ANAPC2: variants seen among roughly 807,000 people sequenced by gnomAD.
ANAPC2 encodes the protein anaphase promoting complex subunit 2.
ANAPC2 carries 29 observed loss-of-function variants against 84.3 expected under a neutral mutation model. That is an observed-to-expected ratio of 0.34 (90% CI 0.26 to 0.47). The LOEUF is 0.47. ANAPC2 is among the 20% of genes least tolerant of loss of function. ANAPC2 has a pLI of 1.00. For synonymous variants in ANAPC2, 571 were observed against 479.4 expected, an observed-to-expected ratio of 1.19 and a Z score of -2.50; for missense variants, 857 against 1,131.7, an observed-to-expected ratio of 0.76 and a Z score of 3.48.
intron 6 of ANAPC2, among the ~76,000 whole-genome samples, chr9:137,182,698 G>A (rs1588762055): frequency 1.3e-5 from 2 of 152,294 alleles, no homozygotes; most frequent in East Asian, 1.9e-4. Context: ...GCCATGTCAA[G>A]GTCCTCATCC....
At position 137,186,254 on chromosome 9, in the gene ANAPC2, G is replaced by A. The variant is rs754440484; in HGVS notation, c.843C>T (p.Tyr281=). 31 of 1,612,516 alleles carry A rather than the reference G, an allele frequency of 1.9e-5. No homozygotes were observed. Among genetic ancestry groups the A allele is most frequent in the East Asian group, 4.5e-5 (2 of 44,888 alleles). Reference sequence around the variant, plus strand: ...GGAACTCACGCAGGAAGGAGCGCTCGTACTCGCCCCGGCAACGGTCCTCCA... The same window carrying A: ...GGAACTCACGCAGGAAGGAGCGCTCATACTCGCCCCGGCAACGGTCCTCCA... ...ERMEDRCRGE[Y]ERSFLREFHK... Residue 281 remains tyrosine (Y), a synonymous_variant, in exon 3 of 13, where the codon TAC becomes TAT. Transcript: ENST00000323927.
intron 6 of ANAPC2, 88 bp downstream of exon 6, chr9:137,183,037 C>A: frequency 9.2e-7 from 1 of 1,088,676 alleles, no homozygotes; most frequent in Non-Finnish European, 1.4e-6. Flanking sequence ...GACGGCCGAA[C>A]ACACCCTCCG....
chr9:137,179,050 GA>G (rs1346938973), intron 10 of ANAPC2, among the ~76,000 whole-genome samples: 2 of 152,108 alleles, frequency 1.3e-5, no homozygotes, highest in Non-Finnish European at 2.9e-5. Context: ...AGAAGCTGTG[GA>G]CCCTCCCTTG....
At chr9:137,181,520 A>G (rs1434743804) in intron 7 of ANAPC2, among the ~76,000 whole-genome samples, 161 bp downstream of exon 7, 1 of 152,196 alleles carries the variant, frequency 6.6e-6, no homozygotes, top group African/African-American at 2.4e-5. Flanking sequence ...CCAGGCTGGC[A>G]GGTGGCGGAG....
At chr9:137,178,612 C>T (rs1834273278) in intron 10 of ANAPC2, among the ~76,000 whole-genome samples, 1 of 152,224 alleles carries the variant, frequency 6.6e-6, no homozygotes, top group African/African-American at 2.4e-5. Context: ...CAGCGGGGCA[C>T]GGTGCCCGCA....
chr9:137,183,821 A>C lies in ANAPC2; in HGVS notation c.1049-30T>G, dbSNP rs577285935. 7 of 1,611,266 alleles carry C rather than the reference A, an allele frequency of 4.3e-6. No homozygotes were observed. The Admixed American group carries it at 1.2e-4, about 27-fold the overall frequency. ...AAGAAGAAGAACATCCCTCAGGGAC[A>C]GACATGGATGCGTGCGCACGTGCAG... On this transcript the variant is annotated intron_variant, in intron 4 of 12. Coordinates refer to ENST00000323927, the MANE Select transcript of ANAPC2 (RefSeq NM_013366.4).
Position 137,175,426 on chromosome 9 carries a change from C to T in ANAPC2, c.2067G>A (p.Val689=). ...EELSKAVKMP[V]ALLRRRMSVW... ...CGGACATCCGCCGCCGCAGCAGCGC[C>T]ACGGGCATCTTCACCGCCTTGCTCA... The change falls in exon 12 of 13, where the codon GTG becomes GTA. Residue 689 remains valine (V), a synonymous_variant. Transcript: ENST00000323927. 1 of 1,603,816 alleles carries T rather than the reference C, an allele frequency of 6.2e-7. No individual in the cohort carries two copies. Among genetic ancestry groups the T allele is most frequent in the South Asian group, 1.1e-5 (1 of 89,716 alleles).
At position 137,174,915 on chromosome 9, in the gene ANAPC2, C is replaced by A; in HGVS notation, c.*27G>T. The A allele has an allele frequency of 2.8e-6, 1 of 356,354 alleles. No individual in the cohort carries two copies. The highest frequency in any genetic ancestry group is 4.1e-6 in the Non-Finnish European group (1 of 243,288). 22.1% of individuals were successfully genotyped at this position (356,354 alleles called of 1,614,324 possible). ...AGAGCACCTGCAGGGCAGCGCCTGG[C>A]GGGCGGGCGGGCGGGCGGGCGATGT... On this transcript the variant is annotated 3_prime_UTR_variant, in exon 13 of 13. Transcript: ENST00000323927. The surrounding 1 kb of genome is among the most constrained non-coding windows in gnomAD (Gnocchi z 6.1).
rs1322430674 is a variant in ANAPC2, at chr9:137,175,055, C to T, written c.2356G>A (p.Ala786Thr). The change falls in exon 13 of 13, where the codon GCA (alanine) becomes ACA (threonine). Residue 786 changes from alanine to threonine, a missense_variant. By Grantham distance (58) the Ala-to-Thr change is moderately conservative. Transcript: ENST00000323927. ...MLRMFVVTGP[A>T]LAEIDLQELQ... ...TCCTGCAGGTCAATCTCGGCCAGTG[C>T]AGGCCCAGTCACCACAAACATGCGG... 1 of 1,605,926 alleles carries T rather than the reference C, an allele frequency of 6.2e-7. No homozygotes were observed.
intron 10 of ANAPC2, among the ~76,000 whole-genome samples, chr9:137,179,273 GAGGCCTCAC>G (rs1055932411): frequency 2.0e-5 from 3 of 152,026 alleles, no homozygotes; most frequent in African/African-American, 7.3e-5. Flanking sequence ...GGGCACACTG[GAGGCCTCAC>G]AGGCCCCACA....
intron 7 of ANAPC2, among the ~76,000 whole-genome samples, chr9:137,181,225 A>C (rs972320074): frequency 6.6e-6 from 1 of 152,214 alleles, no homozygotes; most frequent in Non-Finnish European, 1.5e-5. Context: ...TGTGTTGAAG[A>C]CTTACCATCT....
At position 137,175,083 on chromosome 9, in the gene ANAPC2, C is replaced by G; in HGVS notation, c.2328G>C (p.Met776Ile). Reference protein sequence around the residue: ...ESLSLDRIYNMLRMFVVTGPA... With the variant: ...ESLSLDRIYNILRMFVVTGPA... The stretch of plus-strand genomic sequence containing the variant: ...GCCCAGTCACCACAAACATGCGGAG[C>G]ATGTTGTAGATACGATCCAGTGAGA... Residue 776 changes from methionine to isoleucine, a missense_variant, in exon 13 of 13, where the codon ATG becomes ATC. Transcript: ENST00000323927. 1 of 1,608,544 alleles carries G rather than the reference C, an allele frequency of 6.2e-7. No individual in the cohort carries two copies. The highest frequency in any genetic ancestry group is 8.5e-7 in the Non-Finnish European group (1 of 1,178,128).
At chr9:137,179,430 G>A (rs1185820536) in intron 10 of ANAPC2, among the ~76,000 whole-genome samples, 1 of 152,180 alleles carries the variant, frequency 6.6e-6, no homozygotes, top group Non-Finnish European at 1.5e-5. Flanking sequence ...TATGAGCTCA[G>A]GGAAAGAACC....
rs1588761791 is a variant in ANAPC2 at position 137,182,430 on chromosome 9, A to G, written c.1287-568T>C. ...AGGCTGAGGCAGGAGAATGGCGTGAACCCGGGAGGCGGAGCTTGCAGTGAG... is the reference window on the plus strand; with the variant it reads ...AGGCTGAGGCAGGAGAATGGCGTGAGCCCGGGAGGCGGAGCTTGCAGTGAG... On this transcript the variant is annotated intron_variant, in intron 6 of 12. Coordinates refer to ENST00000323927, the MANE Select transcript of ANAPC2 (RefSeq NM_013366.4). Among the ~76,000 whole-genome samples the G allele has an allele frequency of 3.9e-5, 6 of 151,912 alleles. No homozygotes were observed. The East Asian group carries it at 1.2e-3, about 30-fold the overall frequency.
chr9:137,181,662 C>T lies in ANAPC2; in HGVS notation c.1468+19G>A. ...GCGCCCCCCACACTGGTGAAAGGGA[C>T]CATGTGGGGCAAGCTAACCTGGATC... On this transcript the variant is annotated intron_variant, in intron 7 of 12. Transcript: ENST00000323927. The T allele has an allele frequency of 6.3e-7, 1 of 1,575,068 alleles. No homozygotes were observed. Among genetic ancestry groups the T allele is most frequent in the Non-Finnish European group, 8.6e-7 (1 of 1,156,382 alleles).
At chr9:137,180,745 G>A (rs1834326014) in intron 8 of ANAPC2, 43 bp downstream of exon 8, 1 of 1,596,120 alleles carries the variant, frequency 6.3e-7, no homozygotes, top group South Asian at 1.1e-5. Flanking sequence ...CTGGGCAAAG[G>A]CCCCGGCACC....
At position 137,183,688 on chromosome 9, in the gene ANAPC2, A is replaced by G. The variant is rs1329987890; in HGVS notation, c.1152T>C (p.Thr384=). The change falls in exon 5 of 13, where the codon ACT becomes ACC. Residue 384 remains threonine, a synonymous_variant. Transcript: ENST00000323927. ...ACACAGCACCTGGATGCAGGAGCCG[A>G]GTCTCCAGGGCAGCCTTGAGGGACA... ...LLVSLKAALE[T]RLLHPGVNTC... 1 of 1,611,784 alleles carries G rather than the reference A, an allele frequency of 6.2e-7. No individual in the cohort carries two copies. Among genetic ancestry groups the G allele is most frequent in the Admixed American group, 1.7e-5 (1 of 59,964 alleles).
In ANAPC2 at chr9:137,174,928, G is replaced by GGGCA. The variant is rs1834174027; in HGVS notation, c.*13_*14insTGCC. ...GGCAGCGCCTGGCGGGCGGGCGGGC[G>GGGCA]GGCGGGCGATGTGTCAGCTGCAGTT... is the stretch of plus-strand genomic sequence containing the variant. On this transcript the variant is annotated 3_prime_UTR_variant, in exon 13 of 13. Coordinates refer to ENST00000323927, the MANE Select transcript of ANAPC2 (RefSeq NM_013366.4). The surrounding 1 kb of genome is among the most constrained non-coding windows in gnomAD (Gnocchi z 6.1). 1 of 1,371,216 alleles carries GGGCA rather than the reference G, an allele frequency of 7.3e-7. No individual in the cohort carries two copies. Among genetic ancestry groups the GGGCA allele is most frequent in the African/African-American group, 1.5e-5 (1 of 68,540 alleles). 84.9% of individuals were successfully genotyped at this position (1,371,216 alleles called of 1,614,324 possible). A position where few individuals can be genotyped will look rare whatever the true frequency, so the allele number is the denominator to read the frequency against.
At chr9:137,175,860 C>T (rs371190752) in intron 10 of ANAPC2, 23 bp from the exon 11 acceptor site, 105 of 1,583,962 alleles carry the variant, frequency 6.6e-5, no homozygotes, top group Middle Eastern at 3.3e-4. Flanking sequence ...AGGGTCAGCA[C>T]GGGCAGCTCG....
Sources: gnomAD v4.1 joint callset for allele counts (sites outside exome capture counted in the v4.1 genomes callset) on GRCh38, gnomAD v4.1.1 for gene constraint, Gnocchi (gnomAD v3.1) non-coding constraint, MANE v1.5 for transcripts, NCBI Gene and HGNC (gene_info 2026-07-23, HGNC 2026-07-21) for gene names.